AKAP13: variants seen among roughly 807,000 people sequenced by gnomAD.
The protein encoded by AKAP13 is A-kinase anchor protein 13.
In AKAP13, 80 loss-of-function variants were observed where a neutral mutation model predicts 264.5. That is an observed-to-expected ratio of 0.30 (90% confidence interval 0.25 to 0.36). The LOEUF (loss-of-function observed/expected upper bound fraction) is 0.36, where lower values mean the gene tolerates loss of function less well. Ranked by LOEUF, AKAP13 falls within the 10% of genes least tolerant of loss-of-function variation. The pLI, the probability that AKAP13 is intolerant of heterozygous loss-of-function variation, is 1.00. For missense variants in AKAP13, 3,712 were observed against 3,435.2 expected (o/e 1.08, Z -2.01); for synonymous variants, 1,380 against 1,250.2 (o/e 1.10, Z -2.19).
intron 1 of AKAP13, among the ~76,000 whole-genome samples, chr15:85,433,925 A>G (rs1254536435): frequency 2.0e-5 from 3 of 148,874 alleles, no homozygotes; most frequent in African/African-American, 5.0e-5. Context: ...TGGGTGACAG[A>G]GCGAGACTCT....
chr15:85,716,535 G>A (rs1161502027), intron 20 of AKAP13, among the ~76,000 whole-genome samples: 2 of 152,138 alleles, frequency 1.3e-5, no homozygotes, highest in African/African-American at 2.4e-5. Flanking sequence ...CTGCCTTCCC[G>A]TCGGGTGAAT....
intron 1 of AKAP13, among the ~76,000 whole-genome samples, chr15:85,415,054 C>T (rs1490586461): frequency 6.6e-6 from 1 of 152,074 alleles, no homozygotes; most frequent in Non-Finnish European, 1.5e-5. Context: ...AAATTTTGCT[C>T]TCAGGTTTGG....
Position 85,722,311 on chromosome 15 carries a change from C to G in AKAP13, c.6460C>G (p.Pro2154Ala), listed in dbSNP as rs1244761497. 1.2e-6 allele frequency: 2 copies of G among 1,613,260 alleles called. No homozygotes were observed. The highest frequency in any genetic ancestry group is 2.2e-5 in the South Asian group (2 of 91,002). ...LLVTQRITKY[P>A]VLFQRILQCT... is the part of the protein sequence containing the mutation. Reference sequence around the variant, plus strand: ...TGTAACTCAGCGGATTACCAAGTACCCAGTTTTATTCCAAAGAATATTGCA... The same window carrying G: ...TGTAACTCAGCGGATTACCAAGTACGCAGTTTTATTCCAAAGAATATTGCA... Residue 2154 changes from proline (P) to alanine (A), a missense_variant, in exon 25 of 37, where the codon CCA (proline) becomes GCA (alanine). Around this residue, in one of 3 missense-constraint regions of AKAP13, gnomAD observed 342 missense variants for 484.3 expected, o/e 0.71. Coordinates refer to ENST00000394518, the MANE Select transcript of AKAP13 (RefSeq NM_007200.5).
intron 1 of AKAP13, among the ~76,000 whole-genome samples, chr15:85,399,869 T>C (rs1480844140): frequency 6.6e-6 from 1 of 152,226 alleles, no homozygotes; most frequent in East Asian, 1.9e-4. Flanking sequence ...GGTCCTCTTC[T>C]ACACAAAGAG....
At chr15:85,740,533 G>C in intron 34 of AKAP13, 2 of 468,572 alleles carry the variant, frequency 4.3e-6, no homozygotes, top group East Asian at 6.6e-5. Context: ...CATGCATCTG[G>C]GAGATTACTT....
intron 4 of AKAP13, among the ~76,000 whole-genome samples, chr15:85,537,599 C>T (rs886236218): frequency 6.6e-6 from 1 of 152,208 alleles, no homozygotes. Flanking sequence ...TTAAGTCTCC[C>T]TGAACTTCAG....
intron 2 of AKAP13, among the ~76,000 whole-genome samples, chr15:85,512,974 A>G (rs575706223): frequency 2.0e-5 from 3 of 152,178 alleles, no homozygotes; most frequent in Admixed American, 2.0e-4. Context: ...CTCCTGCCTC[A>G]GCCTCCCGAG....
chr15:85,394,303 T>G (rs1319102708), intron 1 of AKAP13, among the ~76,000 whole-genome samples: 1 of 152,216 alleles, frequency 6.6e-6, no homozygotes, highest in African/African-American at 2.4e-5. Context: ...TGGGTGTATA[T>G]CTTCTCTGTA....
chr15:85,624,429 A>G (rs1249110565), intron 8 of AKAP13: 1 of 152,182 alleles, frequency 6.6e-6, no homozygotes, highest in African/African-American at 2.4e-5. Flanking sequence ...TTATGGTGTC[A>G]TTTTGCAGAG....
intron 2 of AKAP13, among the ~76,000 whole-genome samples, chr15:85,486,271 T>A (rs895349390): frequency 1.3e-5 from 2 of 151,778 alleles, no homozygotes; most frequent in African/African-American, 4.9e-5. Flanking sequence ...GTTTTGATAA[T>A]GTTTTGTTGT....
intron 1 of AKAP13, among the ~76,000 whole-genome samples, chr15:85,381,518 C>CT (rs2070262149): frequency 1.5e-5 from 1 of 68,290 alleles, no homozygotes. Flanking sequence ...ATACGGTTTA[C>CT]TGCTTTTTTT....
intron 1 of AKAP13, among the ~76,000 whole-genome samples, chr15:85,476,858 A>G (rs2075180306): frequency 6.6e-6 from 1 of 152,106 alleles, no homozygotes; most frequent in African/African-American, 2.4e-5. Flanking sequence ...TAAAATAAGT[A>G]CGTTTAATTT....
At chr15:85,433,117 GTTTTTT>G (rs199655190) in intron 1 of AKAP13, among the ~76,000 whole-genome samples, 9 of 53,246 alleles carry the variant, frequency 1.7e-4, no homozygotes, top group African/African-American at 2.4e-4. Context: ...CTTCTGTACA[GTTTTTT>G]TTTTTTTTTT....
chr15:85,608,627 A>G (rs368178336), intron 8 of AKAP13, among the ~76,000 whole-genome samples: 2 of 152,216 alleles, frequency 1.3e-5, no homozygotes, highest in African/African-American at 2.4e-5. Flanking sequence ...GAATTGGGAA[A>G]GTAGAATTAA....
At chr15:85,421,324 A>T (rs1202003660) in intron 1 of AKAP13, among the ~76,000 whole-genome samples, 1 of 152,226 alleles carries the variant, frequency 6.6e-6, no homozygotes, top group Non-Finnish European at 1.5e-5. Flanking sequence ...GAACAGCTGG[A>T]GTGGGTCTCT....
chr15:85,547,230 C>T (rs1331752424), intron 5 of AKAP13, among the ~76,000 whole-genome samples: 1 of 152,154 alleles, frequency 6.6e-6, no homozygotes, highest in East Asian at 1.9e-4. Flanking sequence ...AAAAGTCAAG[C>T]TTATTTAACC....
At chr15:85,735,237 C>G in intron 31 of AKAP13, 87 bp downstream of exon 31, 2 of 1,509,692 alleles carry the variant, frequency 1.3e-6, no homozygotes, top group Non-Finnish European at 1.8e-6. Context: ...GTAGCTACAT[C>G]ACCGCTCCCA....
chr15:85,654,967 C>T (rs2083031215), intron 10 of AKAP13, among the ~76,000 whole-genome samples: 1 of 151,896 alleles, frequency 6.6e-6, no homozygotes, highest in Non-Finnish European at 1.5e-5. Context: ...TGAGGTGGGT[C>T]GATCATTTGA....
intron 12 of AKAP13, among the ~76,000 whole-genome samples, chr15:85,662,063 T>C (rs1405552774): frequency 6.6e-6 from 1 of 152,176 alleles, no homozygotes; most frequent in African/African-American, 2.4e-5. Flanking sequence ...TTGAAATACC[T>C]CTCATGTCTG....
Sources: gnomAD v4.1 joint callset for allele counts (sites outside exome capture counted in the v4.1 genomes callset) on GRCh38, gnomAD v4.1.1 for gene constraint, gnomAD v4.1.1 regional missense constraint, MANE v1.5 for transcripts, NCBI Gene and HGNC (gene_info 2026-07-23, HGNC 2026-07-21) for gene names.